Variants in CCDC60 observed in about 807,000 individuals in gnomAD.
CCDC60 encodes the protein coiled-coil domain containing 60.
A neutral mutation model predicts 63.5 loss-of-function variants in CCDC60; 54 were observed. The ratio of observed to expected loss-of-function variants is 0.85; its 90% confidence interval spans 0.68 to 1.07. The LOEUF is 1.07. CCDC60 is among the 50% of genes least tolerant of loss of function. The pLI, the probability that CCDC60 is intolerant of heterozygous loss-of-function variation, is 0.00. For synonymous variants in CCDC60, 206 were observed against 238.8 expected, an observed-to-expected ratio of 0.86 and a Z score of 1.27; for missense variants, 651 against 684.3, an observed-to-expected ratio of 0.95 and a Z score of 0.54.
rs1204374522 is a variant in CCDC60, at chr12:119,387,022, C to CCTCT, written c.91-41660_91-41657dup. 1.3e-4 allele frequency among the ~76,000 whole-genome samples: 14 copies of CCTCT among 105,316 alleles called. 1 individual carries two copies. Among genetic ancestry groups the CCTCT allele is most frequent in the Non-Finnish European group, 1.7e-4 (9 of 51,568 alleles). The allele number at this position is 105,316 out of a possible 152,430, so 69.1% of individuals were successfully genotyped here. Reference sequence around the variant, plus strand: ...CTCTCTCTCTCTCTCCCTCCCTCCCCCTCTGTCTCTCTCACACACACACAC... The same window carrying CCTCT: ...CTCTCTCTCTCTCTCCCTCCCTCCCCCTCTCTCTGTCTCTCTCACACACACACAC... On this transcript the variant is annotated intron_variant, in intron 1 of 13. Transcript: ENST00000327554.
intron 1 of CCDC60, among the ~76,000 whole-genome samples, chr12:119,370,004 T>C (rs148503838): frequency 1.6e-4 from 25 of 152,296 alleles, no homozygotes; most frequent in Non-Finnish European, 2.6e-4. Flanking sequence ...TAAATTCAGC[T>C]TGGGGATAAG....
chr12:119,469,583 A>T (rs11064808), intron 2 of CCDC60, among the ~76,000 whole-genome samples: 3,426 of 152,280 alleles, frequency 0.022, 61 homozygotes, highest in Non-Finnish European at 0.034. Context: ...TTATAAGAAT[A>T]TGTCAAAGAA....
rs185138033 is a variant in CCDC60, at chr12:119,470,438, T to C, written c.171-1556T>C. On this transcript the variant is annotated intron_variant, in intron 2 of 13. Transcript: ENST00000327554. The stretch of plus-strand genomic sequence containing the variant: ...CCAGAGGAATGAATGAATGAAATGT[T>C]ATCACTTAGCTGCCACCCATGTGAT... 3.9e-5 allele frequency among the ~76,000 whole-genome samples: 6 copies of C among 152,336 alleles called. No individual in the cohort carries two copies. The East Asian group carries it at 7.7e-4, about 20-fold the overall frequency.
At chr12:119,474,548 G>A (rs1245555982) in intron 3 of CCDC60, among the ~76,000 whole-genome samples, 1 of 152,162 alleles carries the variant, frequency 6.6e-6, no homozygotes, top group African/African-American at 2.4e-5. Flanking sequence ...TGGGGGCAGG[G>A]GAAATGGGAA....
At chr12:119,487,658 T>C (rs1400491016) in intron 4 of CCDC60, among the ~76,000 whole-genome samples, 4 of 151,308 alleles carry the variant, frequency 2.6e-5, no homozygotes, top group Non-Finnish European at 4.4e-5. Context: ...CTCTGTGACC[T>C]TAAGCAAAGT....
chr12:119,429,710 A>G (rs907069375), intron 2 of CCDC60: 1 of 152,248 alleles, frequency 6.6e-6, no homozygotes, highest in Non-Finnish European at 1.5e-5. Context: ...GACTGAGCCC[A>G]GGAGGACTCC....
At chr12:119,462,522 TTTCTAA>T (rs1361094809) in intron 2 of CCDC60, among the ~76,000 whole-genome samples, 17 of 152,208 alleles carry the variant, frequency 1.1e-4, no homozygotes, top group Non-Finnish European at 2.5e-4. Flanking sequence ...AATTTTCTTG[TTTCTAA>T]TTCTTTTTAG....
intron 2 of CCDC60, among the ~76,000 whole-genome samples, chr12:119,438,893 A>G (rs1351813388): frequency 6.6e-6 from 1 of 152,050 alleles, no homozygotes; most frequent in Non-Finnish European, 1.5e-5. Context: ...ACAGAATGAG[A>G]TAATGTACAT....
chr12:119,482,043 A>G (rs866205097), intron 4 of CCDC60, among the ~76,000 whole-genome samples: 2 of 133,204 alleles, frequency 1.5e-5, no homozygotes, highest in African/African-American at 6.1e-5. Flanking sequence ...ATATATATGT[A>G]TATATATGTG....
At chr12:119,497,183 G>A (rs184194279) in intron 5 of CCDC60, among the ~76,000 whole-genome samples, 11 of 152,292 alleles carry the variant, frequency 7.2e-5, no homozygotes, top group African/African-American at 2.6e-4. Context: ...TGCTACACTT[G>A]CCTTCAGAGA....
chr12:119,520,196 G>C lies in CCDC60; in HGVS notation c.1040+4G>C. ...TGCAGACCACTCTCAAATCAAGGTA[G>C]GAAAGCCTGGAGCCTGCAGCAGGTG... On this transcript the variant is annotated splice_donor_region_variant and intron_variant, in intron 9 of 13. Transcript: ENST00000327554. 1 of 1,613,350 alleles carries C rather than the reference G, an allele frequency of 6.2e-7. No individual in the cohort carries two copies. The highest frequency in any genetic ancestry group is 1.1e-5 in the South Asian group (1 of 90,962).
chr12:119,390,320 T>C (rs1278227272), intron 1 of CCDC60, among the ~76,000 whole-genome samples: 1 of 152,202 alleles, frequency 6.6e-6, no homozygotes, highest in African/African-American at 2.4e-5. Flanking sequence ...AGTAAGCAGA[T>C]CAGGGCCCTA....
intron 2 of CCDC60, among the ~76,000 whole-genome samples, chr12:119,448,406 A>C (rs1469108765): frequency 6.6e-6 from 1 of 152,182 alleles, no homozygotes; most frequent in Non-Finnish European, 1.5e-5. Flanking sequence ...TCAATCCGTG[A>C]GCCTCAGTTT....
chr12:119,417,768 C>T (rs1640338451), intron 1 of CCDC60, among the ~76,000 whole-genome samples: 1 of 152,220 alleles, frequency 6.6e-6, no homozygotes, highest in South Asian at 2.1e-4. Context: ...CTTGTAGGTT[C>T]TGCTGGGCCA....
At chr12:119,465,231 TG>T (rs1950930478) in intron 2 of CCDC60, among the ~76,000 whole-genome samples, 1 of 151,958 alleles carries the variant, frequency 6.6e-6, no homozygotes, top group South Asian at 2.1e-4. Flanking sequence ...GAGAATGGCG[TG>T]GAACCCGGGA....
intron 1 of CCDC60, among the ~76,000 whole-genome samples, chr12:119,355,738 C>T (rs950446382): frequency 6.6e-6 from 1 of 152,220 alleles, no homozygotes; most frequent in African/African-American, 2.4e-5. Context: ...GGCAGTTCTG[C>T]AGTCATATTT....
chr12:119,500,010 T>C, intron 5 of CCDC60, 68 bp from the exon 6 acceptor site: 3 of 1,109,228 alleles, frequency 2.7e-6, no homozygotes, highest in South Asian at 2.5e-5. Context: ...TTATTGCATT[T>C]CTTAAAAGAA....
At chr12:119,524,716 C>CTTTTTTTTTTTTTTT (rs1416953138) in intron 11 of CCDC60, among the ~76,000 whole-genome samples, 49 of 90,572 alleles carry the variant, frequency 5.4e-4, no homozygotes, top group African/African-American at 2.2e-3. Context: ...CTTTTCTTTT[C>CTTTTTTTTTTTTTTT]TTTTCTTTTT....
chr12:119,396,459 G>A (rs1317603536), intron 1 of CCDC60, among the ~76,000 whole-genome samples: 1 of 152,158 alleles, frequency 6.6e-6, no homozygotes, highest in Non-Finnish European at 1.5e-5. Flanking sequence ...CCCAAAAGAG[G>A]AGGAATGGGT....
Sources: gnomAD v4.1 joint callset for allele counts (sites outside exome capture counted in the v4.1 genomes callset) on GRCh38, gnomAD v4.1.1 for gene constraint, MANE v1.5 for transcripts, NCBI Gene and HGNC (gene_info 2026-07-23, HGNC 2026-07-21) for gene names.